The following SLC30A1 variants were observed in gnomAD, a reference collection of about 807,000 sequenced individuals.
The protein encoded by SLC30A1 is solute carrier family 30 member 1, also known as proton-coupled zinc antiporter SLC30A1.
SLC30A1 carries 7 observed loss-of-function variants against 29.8 expected under a neutral mutation model. That is an observed-to-expected ratio of 0.23 (90% CI 0.13 to 0.44). The LOEUF (loss-of-function observed/expected upper bound fraction) is 0.44. SLC30A1 is among the 20% of genes least tolerant of loss of function. The pLI, the probability that SLC30A1 is intolerant of heterozygous loss-of-function variation, is 1.00. For synonymous variants in SLC30A1, 254 were observed against 253.5 expected (o/e 1.00, Z -0.02); for missense variants, 446 against 647.9 (o/e 0.69, Z 3.38).
rs1016843376 is a variant in SLC30A1, at chr1:211,577,206, A to G, written c.622+785T>C. On this transcript the variant is annotated intron_variant, in intron 1 of 1. Coordinates refer to ENST00000367001, the MANE Select transcript of SLC30A1 (RefSeq NM_021194.3). This position sits in a 1 kb window ranked among gnomAD's most constrained non-coding sequence, Gnocchi z 4.5. ...CACCATTGAGCTTGGGTAGTAGGAC[A>G]CTGGTTGAGTCATTTCCATCTCCTT... is the stretch of plus-strand genomic sequence containing the variant. 1.3e-5 allele frequency among the ~76,000 whole-genome samples: 2 copies of G among 152,258 alleles called. No homozygotes were observed. The highest frequency in any genetic ancestry group is 2.9e-5 in the Non-Finnish European group (2 of 68,040).
chr1:211,575,405 G>C lies in SLC30A1; in HGVS notation c.1507C>G (p.Pro503Ala). The change falls in exon 2 of 2, where the codon CCT (proline) becomes GCT (alanine). Residue 503 changes from proline to alanine, a missense_variant. Pro to Ala is a conservative substitution (Grantham distance 27, BLOSUM62 -1). Transcript: ENST00000367001. This position sits in a 1 kb window ranked among gnomAD's most constrained non-coding sequence, Gnocchi z 6.0. ...IEIKNMPNKQ[P>A]ESSL ...TTCAAGACTCACAAAGATGATTCAG[G>C]TTGTTTGTTTGGCATGTTTTTAATC... The C allele has an allele frequency of 6.3e-7, 1 of 1,595,790 alleles. No individual in the cohort carries two copies.
rs1030980355 is a variant in SLC30A1 at position 211,572,030 on chromosome 1, T to C, written c.*3358A>G. 2.0e-5 allele frequency: 3 copies of C among 152,148 alleles called. No homozygotes were observed. Among genetic ancestry groups the C allele is most frequent in the Non-Finnish European group, 4.4e-5 (3 of 67,976 alleles). 9.4% of individuals were successfully genotyped at this position (152,148 alleles called of 1,614,324 possible). ...TGCCAAAGACACTGGACCATAAAAT[T>C]TTTGGTTTAAAAGTTTAAATTGAAT... On this transcript the variant is annotated 3_prime_UTR_variant, in exon 2 of 2. Transcript: ENST00000367001.
At position 211,572,237 on chromosome 1, in the gene SLC30A1, C is replaced by T. The variant is rs1462674363; in HGVS notation, c.*3151G>A. ...CAGTTTCAATTTTAAAAATGACAAA[C>T]AAAAAACCCCTACACCTTCCCAAGA... On this transcript the variant is annotated 3_prime_UTR_variant, in exon 2 of 2. Transcript: ENST00000367001. 6.6e-6 allele frequency: 1 copy of T among 151,966 alleles called. No individual in the cohort carries two copies. Among genetic ancestry groups the T allele is most frequent in the Non-Finnish European group, 1.5e-5 (1 of 67,922 alleles). The allele number at this position is 151,966 out of a possible 1,614,324, so 9.4% of individuals were successfully genotyped here.
Position 211,578,630 on chromosome 1 carries a change from C to G in SLC30A1, c.-18G>C. 2.6e-6 allele frequency: 4 copies of G among 1,521,686 alleles called. No homozygotes were observed. The South Asian group carries it at 3.7e-5, about 14-fold the overall frequency. The allele number at this position is 1,521,686 out of a possible 1,614,324, so 94.3% of individuals were successfully genotyped here. On this transcript the variant is annotated 5_prime_UTR_variant, in exon 1 of 2. Coordinates refer to ENST00000367001, the MANE Select transcript of SLC30A1 (RefSeq NM_021194.3). ...CACCCCATGGCTGCGGCTGCGGGGC[C>G]CGCCGAGCCCGGCCCGGAGACTGGT...
At position 211,571,917 on chromosome 1, in the gene SLC30A1, G is replaced by T. The variant is rs940302406; in HGVS notation, c.*3471C>A. On this transcript the variant is annotated 3_prime_UTR_variant, in exon 2 of 2. Coordinates refer to ENST00000367001, the MANE Select transcript of SLC30A1 (RefSeq NM_021194.3). ...ATACACTTCATTGTGCTGTTTCAAG[G>T]CAGAACCATAACATGGCAATTTGTG... The T allele has an allele frequency of 6.6e-6, 1 of 152,026 alleles. No homozygotes were observed. The highest frequency in any genetic ancestry group is 2.4e-5 in the African/African-American group (1 of 41,380). 9.4% of individuals were successfully genotyped at this position (152,026 alleles called of 1,614,324 possible).
rs1706752006 is a variant in SLC30A1, at chr1:211,578,637, G to A, written c.-25C>T. ...TGGCTGCGGCTGCGGGGCCCGCCGA[G>A]CCCGGCCCGGAGACTGGTGCAGCGG... On this transcript the variant is annotated 5_prime_UTR_variant, in exon 1 of 2. Transcript: ENST00000367001. 2.6e-6 allele frequency: 4 copies of A among 1,510,890 alleles called. No individual in the cohort carries two copies. The highest frequency in any genetic ancestry group is 3.5e-6 in the Non-Finnish European group (4 of 1,136,818). The allele number at this position is 1,510,890 out of a possible 1,614,324, so 93.6% of individuals were successfully genotyped here.
At position 211,578,863 on chromosome 1, in the gene SLC30A1, C is replaced by G. The variant is rs1706754827; in HGVS notation, c.-251G>C. 3 of 296,974 alleles carry G rather than the reference C, an allele frequency of 1.0e-5. No individual in the cohort carries two copies. Among genetic ancestry groups the G allele is most frequent in the African/African-American group, 2.2e-5 (1 of 45,312 alleles). The allele number at this position is 296,974 out of a possible 1,614,324, so 18.4% of individuals were successfully genotyped here. ...CTCCTCAGGCGTCCGTCCTCAGAGC[C>G]GGCGCCGAGGCCCGGCTCAGCCTCA... On this transcript the variant is annotated 5_prime_UTR_variant, in exon 1 of 2. Coordinates refer to ENST00000367001, the MANE Select transcript of SLC30A1 (RefSeq NM_021194.3).
Position 211,578,249 on chromosome 1 carries a change from C to T in SLC30A1, c.364G>A (p.Ala122Thr). Residue 122 changes from alanine to threonine, a missense_variant, in exon 1 of 2, where the codon GCC becomes ACC. By Grantham distance (58) the Ala-to-Thr change is moderately conservative. This residue lies in a region of SLC30A1 where 37 missense variants were observed against 64.0 expected (regional missense o/e 0.58). Coordinates refer to ENST00000367001, the MANE Select transcript of SLC30A1 (RefSeq NM_021194.3). ...QPLVVLGVGVAGLLVNVLGLC... is the reference protein window; with the variant it reads ...QPLVVLGVGVTGLLVNVLGLC... ...CCCAGCACGTTGACCAGCAGCCCGG[C>T]CACGCCGACCCCAAGGACCACCAGC... The T allele has an allele frequency of 6.2e-7, 1 of 1,612,026 alleles. No homozygotes were observed. Among genetic ancestry groups the T allele is most frequent in the African/African-American group, 1.3e-5 (1 of 75,034 alleles).
rs1467583997 is a variant in SLC30A1, at chr1:211,579,096, G to A, written c.-484C>T. ...GCGGCGGCTGGACTGAGGAGCGGATGGCTGAGGAGCTAGAGAGGCGGCGGC... is the reference window on the plus strand; with the variant it reads ...GCGGCGGCTGGACTGAGGAGCGGATAGCTGAGGAGCTAGAGAGGCGGCGGC... On this transcript the variant is annotated 5_prime_UTR_variant, in exon 1 of 2. Transcript: ENST00000367001. 1.3e-5 allele frequency among the ~76,000 whole-genome samples: 2 copies of A among 152,252 alleles called. No individual in the cohort carries two copies. The highest frequency in any genetic ancestry group is 2.4e-5 in the African/African-American group (1 of 41,468).
Position 211,578,628 on chromosome 1 carries a change from G to A in SLC30A1, c.-16C>T, listed in dbSNP as rs1222477967. 6 of 1,519,272 alleles carry A rather than the reference G, an allele frequency of 3.9e-6. No homozygotes were observed. The highest frequency in any genetic ancestry group is 5.3e-6 in the Non-Finnish European group (6 of 1,141,228). The allele number at this position is 1,519,272 out of a possible 1,614,324, so 94.1% of individuals were successfully genotyped here. On this transcript the variant is annotated 5_prime_UTR_variant, in exon 1 of 2. Transcript: ENST00000367001. ...AACACCCCATGGCTGCGGCTGCGGG[G>A]CCCGCCGAGCCCGGCCCGGAGACTG...
At position 211,575,368 on chromosome 1, in the gene SLC30A1, T is replaced by C. The variant is rs1245975139; in HGVS notation, c.*20A>G. On this transcript the variant is annotated 3_prime_UTR_variant, in exon 2 of 2. Transcript: ENST00000367001. The surrounding 1 kb of genome is among the most constrained non-coding windows in gnomAD (Gnocchi z 6.0). ...CTTGCAGTTTAAAGCAAAAGTCAAA[T>C]ATCACATCTTTTTCAAGACTCACAA... 21 of 1,548,048 alleles carry C rather than the reference T, an allele frequency of 1.4e-5. No individual in the cohort carries two copies. The highest frequency in any genetic ancestry group is 1.7e-5 in the Non-Finnish European group (20 of 1,151,616).
chr1:211,578,683 G>C lies in SLC30A1; in HGVS notation c.-71C>G. ...AGCGGCGGCGTTGGCGGGACGCGGA[G>C]GGTCGGCGACCGCGACACGGAGGAG... On this transcript the variant is annotated 5_prime_UTR_variant, in exon 1 of 2. Coordinates refer to ENST00000367001, the MANE Select transcript of SLC30A1 (RefSeq NM_021194.3). 1 of 1,396,834 alleles carries C rather than the reference G, an allele frequency of 7.2e-7. No individual in the cohort carries two copies. Among genetic ancestry groups the C allele is most frequent in the Non-Finnish European group, 9.3e-7 (1 of 1,079,308 alleles). 86.5% of individuals were successfully genotyped at this position (1,396,834 alleles called of 1,614,324 possible).
intron 1 of SLC30A1, among the ~76,000 whole-genome samples, chr1:211,576,896 A>G (rs559240673): frequency 8.3e-4 from 126 of 152,342 alleles, no homozygotes; most frequent in African/African-American, 3.0e-3. Flanking sequence ...TAACTTTTAA[A>G]TCAAAAGTAT....
chr1:211,578,145 G>C lies in SLC30A1; in HGVS notation c.468C>G (p.Gly156=), dbSNP rs529909438. The change falls in exon 1 of 2, where the codon GGC becomes GGG. Residue 156 remains glycine (G), a synonymous_variant. Transcript: ENST00000367001. ...HGHSHGGHGH[G]HGLPKGPRVK... Reference sequence around the variant, plus strand: ...CGCGAGGCCCCTTGGGGAGGCCGTGGCCGTGGCCGTGACCCCCGTGCGAGT... The same window carrying C: ...CGCGAGGCCCCTTGGGGAGGCCGTGCCCGTGGCCGTGACCCCCGTGCGAGT... 1,059 of 1,608,092 alleles carry C rather than the reference G, an allele frequency of 6.6e-4. 20 individuals carry two copies. In the South Asian group the frequency reaches 0.011, roughly 17 times the overall value.
In SLC30A1 at chr1:211,576,246, C is replaced by T; in HGVS notation, c.666G>A (p.Val222=). The change falls in exon 2 of 2, where the codon GTG becomes GTA. Residue 222 remains valine (V), a synonymous_variant. Coordinates refer to ENST00000367001, the MANE Select transcript of SLC30A1 (RefSeq NM_021194.3). Reference sequence around the variant, plus strand: ...CAGGTTCTCTGACAAGATTTCCATTCACTTGTACTTCCACTGTATCACCAC... The same window carrying T: ...CAGGTTCTCTGACAAGATTTCCATTTACTTGTACTTCCACTGTATCACCAC... ...PRSGDTVEVQ[V]NGNLVREPDH... 1 of 1,611,278 alleles carries T rather than the reference C, an allele frequency of 6.2e-7. No individual in the cohort carries two copies. The highest frequency in any genetic ancestry group is 8.5e-7 in the Non-Finnish European group (1 of 1,179,128).
chr1:211,575,172 A>G lies in SLC30A1; in HGVS notation c.*216T>C, dbSNP rs187323190. 307 of 413,884 alleles carry G rather than the reference A, an allele frequency of 7.4e-4. 2 individuals are homozygous for G. The highest frequency in any genetic ancestry group is 5.3e-3 in the African/African-American group (261 of 49,114). 25.6% of individuals were successfully genotyped at this position (413,884 alleles called of 1,614,324 possible). ...CATAGTGTTAAAACTGGCTTTCCAAAACAGTCACAGCATAGCTGTACTCTG... is the reference window on the plus strand; with the variant it reads ...CATAGTGTTAAAACTGGCTTTCCAAGACAGTCACAGCATAGCTGTACTCTG... On this transcript the variant is annotated 3_prime_UTR_variant, in exon 2 of 2. Coordinates refer to ENST00000367001, the MANE Select transcript of SLC30A1 (RefSeq NM_021194.3). The surrounding 1 kb of genome is among the most constrained non-coding windows in gnomAD (Gnocchi z 6.0).
chr1:211,576,713 CTT>C (rs1412899295), intron 1 of SLC30A1, among the ~76,000 whole-genome samples: 1 of 152,170 alleles, frequency 6.6e-6, no homozygotes, highest in African/African-American at 2.4e-5. Context: ...TCTAGTCACT[CTT>C]TGTCACTGAG....
rs1195496072 is a variant in SLC30A1, at chr1:211,573,344, T to G, written c.*2044A>C. 2.6e-5 allele frequency: 4 copies of G among 152,076 alleles called. No individual in the cohort carries two copies. Among genetic ancestry groups the G allele is most frequent in the Admixed American group, 2.6e-4 (4 of 15,276 alleles). The allele number at this position is 152,076 out of a possible 1,614,324, so 9.4% of individuals were successfully genotyped here. The stretch of plus-strand genomic sequence containing the variant: ...TTGAAAAACAAACAAACATAGCCCT[T>G]GTCCTATGCTTATATACCATTTTTT... On this transcript the variant is annotated 3_prime_UTR_variant, in exon 2 of 2. Transcript: ENST00000367001.
chr1:211,572,661 T>C lies in SLC30A1; in HGVS notation c.*2727A>G, dbSNP rs1199908413. ...AAATGTTAAAACACATACAGCAAAGTTTTTGAGGATTCTGTTTTTTAGGTT... is the reference window on the plus strand; with the variant it reads ...AAATGTTAAAACACATACAGCAAAGCTTTTGAGGATTCTGTTTTTTAGGTT... On this transcript the variant is annotated 3_prime_UTR_variant, in exon 2 of 2. Coordinates refer to ENST00000367001, the MANE Select transcript of SLC30A1 (RefSeq NM_021194.3). 1.3e-5 allele frequency: 2 copies of C among 152,116 alleles called. No homozygotes were observed. Among genetic ancestry groups the C allele is most frequent in the African/African-American group, 4.8e-5 (2 of 41,466 alleles). 9.4% of individuals were successfully genotyped at this position (152,116 alleles called of 1,614,324 possible). A position where few individuals can be genotyped will look rare whatever the true frequency, so the allele number is the denominator to read the frequency against.
Sources: gnomAD v4.1 joint callset for allele counts (sites outside exome capture counted in the v4.1 genomes callset) on GRCh38, gnomAD v4.1.1 for gene constraint, gnomAD v4.1.1 regional missense constraint, Gnocchi (gnomAD v3.1) non-coding constraint, MANE v1.5 for transcripts, NCBI Gene and HGNC (gene_info 2026-07-23, HGNC 2026-07-21) for gene names.